The following DGKB variants were observed in gnomAD, a reference collection of about 807,000 sequenced individuals.
The protein encoded by DGKB is diacylglycerol kinase beta, also known as 90 kDa diacylglycerol kinase.
A neutral mutation model predicts 114.3 loss-of-function variants in DGKB; 67 were observed. The ratio of observed to expected loss-of-function variants is 0.59; its 90% CI spans 0.48 to 0.72. The LOEUF (loss-of-function observed/expected upper bound fraction) is 0.72, where lower values mean the gene tolerates loss of function less well. Among genes scored for constraint, DGKB ranks in the 30% least tolerant of loss-of-function variants. The probability of loss-of-function intolerance (pLI) is 0.00; values close to 1 mark genes in which losing one functional copy is unlikely to be tolerated. For synonymous variants in DGKB, 398 were observed against 323.1 expected, an observed-to-expected ratio of 1.23 and a Z score of -2.49; for missense variants, 907 against 975.2, an observed-to-expected ratio of 0.93 and a Z score of 0.93.
chr7:14,610,899 A>G (rs961200773), intron 16 of DGKB, among the ~76,000 whole-genome samples: 2 of 152,138 alleles, frequency 1.3e-5, no homozygotes, highest in Admixed American at 1.3e-4. Context: ...CTGTTGTCTA[A>G]GTACAGCCAT....
At chr7:14,652,849 G>A (rs1034616727) in intron 13 of DGKB, among the ~76,000 whole-genome samples, 3 of 152,172 alleles carry the variant, frequency 2.0e-5, no homozygotes, top group African/African-American at 7.2e-5. Flanking sequence ...CAAAGTATAT[G>A]AACAGACACT....
At chr7:14,158,597 C>T (rs1783394455) in intron 25 of DGKB, among the ~76,000 whole-genome samples, 1 of 152,148 alleles carries the variant, frequency 6.6e-6, no homozygotes, top group Non-Finnish European at 1.5e-5. Flanking sequence ...CGTTAAACTA[C>T]ATCATGGTAA....
chr7:14,768,641 C>A (rs1031471920), intron 2 of DGKB, among the ~76,000 whole-genome samples: 5 of 151,754 alleles, frequency 3.3e-5, no homozygotes, highest in African/African-American at 9.7e-5. Context: ...TAAAAATAAT[C>A]ATTTGATCAA....
intron 21 of DGKB, among the ~76,000 whole-genome samples, chr7:14,472,457 A>G (rs1251951157): frequency 6.6e-6 from 1 of 152,236 alleles, no homozygotes; most frequent in East Asian, 1.9e-4. Flanking sequence ...TGTAAGTCCA[A>G]TAAACCTTTC....
At chr7:14,235,202 G>A (rs749179691) in intron 23 of DGKB, among the ~76,000 whole-genome samples, 2 of 152,002 alleles carry the variant, frequency 1.3e-5, no homozygotes, top group African/African-American at 2.4e-5. Flanking sequence ...GAGTACCACA[G>A]GTCACATCTG....
intron 21 of DGKB, among the ~76,000 whole-genome samples, chr7:14,367,781 C>T (rs965579069): frequency 6.6e-6 from 1 of 151,974 alleles, no homozygotes; most frequent in Admixed American, 6.6e-5. Flanking sequence ...GAAGCAAGCA[C>T]CTTTGTCACA....
At position 14,147,006 on chromosome 7, in the gene DGKB, C is replaced by T. The variant is rs563925535; in HGVS notation, c.*2125G>A. On this transcript the variant is annotated 3_prime_UTR_variant, in exon 26 of 26. Coordinates refer to ENST00000402815, the MANE Select transcript of DGKB (RefSeq NM_001350709.2). ...GCCAAGACATAATTGTATGTTGTAG[C>T]GAACATAAAATAATTTGTGGCTTCA... is the stretch of plus-strand genomic sequence containing the variant. 3.9e-5 allele frequency: 6 copies of T among 152,138 alleles called. No individual in the cohort carries two copies. The highest frequency in any genetic ancestry group is 1.9e-4 in the East Asian group (1 of 5,182). The allele number at this position is 152,138 out of a possible 1,614,324, so 9.4% of individuals were successfully genotyped here. A position where few individuals can be genotyped will look rare whatever the true frequency, so the allele number is the denominator to read the frequency against.
rs78008037 is a variant in DGKB, at chr7:14,149,163, C to A, written c.2380G>T (p.Val794Phe). 1 of 1,613,284 alleles carries A rather than the reference C, an allele frequency of 6.2e-7. No individual in the cohort carries two copies. The highest frequency in any genetic ancestry group is 1.7e-5 in the Admixed American group (1 of 59,974). ...PPKTGLFCSLVKRTRNRSKE is the reference protein window; with the variant it reads ...PPKTGLFCSLFKRTRNRSKE The stretch of plus-strand genomic sequence containing the variant: ...TTGCTTCGGTTTCTTGTCCTTTTGA[C>A]GAGGGAGCAGAATAAACCGGTTTTT... The change falls in exon 26 of 26, where the codon GTC becomes TTC. Residue 794 changes from valine (V) to phenylalanine (F), a missense_variant. By Grantham distance (50) the Val-to-Phe change is conservative. Transcript: ENST00000402815.
At chr7:14,356,255 G>A (rs748784217) in intron 21 of DGKB, among the ~76,000 whole-genome samples, 1 of 149,904 alleles carries the variant, frequency 6.7e-6, no homozygotes, top group African/African-American at 2.5e-5. Flanking sequence ...TTTTTGAGGG[G>A]TTTTTTGACT....
intron 18 of DGKB, among the ~76,000 whole-genome samples, chr7:14,581,724 G>A (rs955399508): frequency 6.6e-6 from 1 of 152,086 alleles, no homozygotes; most frequent in Non-Finnish European, 1.5e-5. Context: ...GGGATAGAGG[G>A]GATAGATAAT....
At chr7:14,726,458 A>C (rs955975333) in intron 5 of DGKB, among the ~76,000 whole-genome samples, 4 of 152,172 alleles carry the variant, frequency 2.6e-5, no homozygotes, top group African/African-American at 9.7e-5. Context: ...TACTCTAAGC[A>C]TGATTCTGTG....
chr7:14,562,565 C>G (rs114750243), intron 20 of DGKB, among the ~76,000 whole-genome samples: 3,042 of 152,312 alleles, frequency 0.02, 109 homozygotes, highest in African/African-American at 0.068. Context: ...GGAAGCCTAT[C>G]TTTTGCATCA....
chr7:14,413,795 A>G (rs536189857), intron 21 of DGKB, among the ~76,000 whole-genome samples: 17 of 152,268 alleles, frequency 1.1e-4, no homozygotes, highest in African/African-American at 3.8e-4. Flanking sequence ...ATCAGACTTG[A>G]GCTGTGAAAA....
chr7:14,415,417 C>T (rs1399420153), intron 21 of DGKB, among the ~76,000 whole-genome samples: 2 of 151,540 alleles, frequency 1.3e-5, no homozygotes, highest in African/African-American at 2.4e-5. Flanking sequence ...CTATCCCTCC[C>T]CACTCCCCCC....
intron 4 of DGKB, among the ~76,000 whole-genome samples, chr7:14,740,547 A>G (rs1010322734): frequency 6.6e-6 from 1 of 152,110 alleles, no homozygotes; most frequent in Non-Finnish European, 1.5e-5. Context: ...ACTCAATTCC[A>G]AGCTTTGGGT....
intron 1 of DGKB, among the ~76,000 whole-genome samples, chr7:14,919,151 C>T (rs1318450753): frequency 2.1e-5 from 3 of 146,022 alleles, no homozygotes; most frequent in Non-Finnish European, 4.5e-5. Flanking sequence ...ACAAAAAAGA[C>T]CCAGAAATAG....
intron 13 of DGKB, among the ~76,000 whole-genome samples, chr7:14,667,400 G>A (rs763771116): frequency 1.1e-4 from 16 of 151,868 alleles, no homozygotes; most frequent in East Asian, 7.7e-4. Context: ...CAGAGTCAAC[G>A]ACTAAGGAAA....
intron 23 of DGKB, among the ~76,000 whole-genome samples, chr7:14,285,613 A>C (rs1800751701): frequency 2.6e-5 from 4 of 152,232 alleles, no homozygotes; most frequent in Admixed American, 2.6e-4. Context: ...AGGTTGTACT[A>C]AACTGCACCT....
chr7:14,625,604 A>G (rs947609785), intron 14 of DGKB, among the ~76,000 whole-genome samples: 5 of 152,324 alleles, frequency 3.3e-5, no homozygotes, highest in Non-Finnish European at 7.4e-5. Context: ...AAAGTTTGCC[A>G]TTTAACCTTC....
Sources: allele counts gnomAD v4.1 joint callset (sites outside exome capture counted in the v4.1 genomes callset), GRCh38; gene constraint gnomAD v4.1.1; transcripts MANE v1.5; gene names NCBI Gene and HGNC (gene_info 2026-07-23, HGNC 2026-07-21).